ARMH4: variants seen among roughly 807,000 people sequenced by gnomAD.
The protein encoded by ARMH4 is armadillo-like helical domain-containing protein 4.
A neutral mutation model predicts 61.9 loss-of-function variants in ARMH4; 49 were observed. That is an observed-to-expected ratio of 0.79 (90% CI 0.63 to 1.00). The LOEUF is 1.00. Among genes scored for constraint, ARMH4 ranks in the 50% least tolerant of loss-of-function variants. The pLI is 0.00. For synonymous variants in ARMH4, 368 were observed against 341.5 expected, an observed-to-expected ratio of 1.08 and a Z score of -0.85; for missense variants, 934 against 930.0, an observed-to-expected ratio of 1.00 and a Z score of -0.06.
At position 58,138,699 on chromosome 14, in the gene ARMH4, T is replaced by C; in HGVS notation, c.660A>G (p.Pro220=). The stretch of plus-strand genomic sequence containing the variant: ...TGTCTGCTTCAAATTTCTCAGTCTT[T>C]GGATTGGTGGTTAGCATTTCCTTAG... The part of the protein sequence containing the change: ...VNTKEMLTTN[P]KTEKFEADTD... Residue 220 remains proline (P), a synonymous_variant, in exon 2 of 8, where the codon CCA becomes CCG. Coordinates refer to ENST00000267485, the MANE Select transcript of ARMH4 (RefSeq NM_001001872.4). 1 of 1,614,174 alleles carries C rather than the reference T, an allele frequency of 6.2e-7. No individual in the cohort carries two copies. The highest frequency in any genetic ancestry group is 8.5e-7 in the Non-Finnish European group (1 of 1,180,038).
At chr14:58,029,235 C>A (rs1193651328) in intron 5 of ARMH4, among the ~76,000 whole-genome samples, 7 of 145,176 alleles carry the variant, frequency 4.8e-5, no homozygotes, top group Admixed American at 4.1e-4. Context: ...CTTAGCATAA[C>A]TTTTTTTTTT....
chr14:58,083,249 A>C (rs1347172311), intron 5 of ARMH4, among the ~76,000 whole-genome samples: 1 of 152,186 alleles, frequency 6.6e-6, no homozygotes, highest in Non-Finnish European at 1.5e-5. Context: ...TCACTATAAA[A>C]ATGTTTTCAA....
At chr14:58,094,813 G>C (rs892974483) in intron 5 of ARMH4, among the ~76,000 whole-genome samples, 14 of 152,202 alleles carry the variant, frequency 9.2e-5, no homozygotes, top group African/African-American at 3.4e-4. Context: ...AAAGGGGCAT[G>C]AGGAATCACT....
chr14:58,074,427 C>T (rs1003400430), intron 5 of ARMH4, among the ~76,000 whole-genome samples: 3 of 151,616 alleles, frequency 2.0e-5, no homozygotes, highest in African/African-American at 7.3e-5. Flanking sequence ...AGCTTCTCTC[C>T]GCTTTGGCAG....
intron 5 of ARMH4, among the ~76,000 whole-genome samples, chr14:58,024,002 A>G (rs988680662): frequency 1.3e-5 from 2 of 152,094 alleles, no homozygotes; most frequent in Non-Finnish European, 2.9e-5. Context: ...TGTTCCATTT[A>G]TAGAGCACAG....
chr14:58,119,964 T>C (rs1436889963), intron 4 of ARMH4, among the ~76,000 whole-genome samples: 1 of 149,548 alleles, frequency 6.7e-6, no homozygotes. Flanking sequence ...TCAATAAAAT[T>C]ATAAATATAC....
chr14:58,024,526 G>A (rs1882954882), intron 5 of ARMH4, among the ~76,000 whole-genome samples: 1 of 152,142 alleles, frequency 6.6e-6, no homozygotes. Context: ...TCAGCAGTAA[G>A]GTTGTTTCTA....
At chr14:58,065,865 T>C (rs1175136985) in intron 5 of ARMH4, among the ~76,000 whole-genome samples, 1 of 152,214 alleles carries the variant, frequency 6.6e-6, no homozygotes, top group East Asian at 1.9e-4. Flanking sequence ...GGGGTCCACA[T>C]AGCAAGAAAC....
chr14:58,013,409 T>C (rs1386124038), intron 5 of ARMH4, among the ~76,000 whole-genome samples: 1 of 105,220 alleles, frequency 9.5e-6, no homozygotes, highest in Admixed American at 1.2e-4. Flanking sequence ...GTAAAAAGCA[T>C]TCGCATTCTT....
At chr14:58,146,355 G>T (rs1887731484) in intron 1 of ARMH4, among the ~76,000 whole-genome samples, 1 of 152,200 alleles carries the variant, frequency 6.6e-6, no homozygotes, top group Admixed American at 6.5e-5. Context: ...CTGCGTATTT[G>T]GATGCTGCTT....
intron 4 of ARMH4, among the ~76,000 whole-genome samples, chr14:58,109,696 A>T (rs1489079109): frequency 3.9e-5 from 6 of 152,250 alleles, no homozygotes; most frequent in Admixed American, 1.3e-4. Flanking sequence ...ATGTAAAAAT[A>T]AAATAATGAA....
At chr14:58,030,145 A>C (rs1026921734) in intron 5 of ARMH4, among the ~76,000 whole-genome samples, 2 of 152,206 alleles carry the variant, frequency 1.3e-5, no homozygotes, top group Non-Finnish European at 2.9e-5. Context: ...TAAAGAAGCT[A>C]TGTGGTCCCT....
chr14:58,140,546 A>G (rs1887503409), intron 1 of ARMH4, among the ~76,000 whole-genome samples: 1 of 151,886 alleles, frequency 6.6e-6, no homozygotes, highest in African/African-American at 2.4e-5. Flanking sequence ...ATGCCACTGC[A>G]CTCCAGCCTG....
chr14:58,053,440 G>C (rs1004926422), intron 5 of ARMH4, among the ~76,000 whole-genome samples: 4 of 152,068 alleles, frequency 2.6e-5, no homozygotes, highest in African/African-American at 9.7e-5. Context: ...CAGGCACAGT[G>C]GCCTTCTCTG....
chr14:58,028,976 G>C lies in ARMH4; in HGVS notation c.2090-16826C>G, dbSNP rs143536190. Among the ~76,000 whole-genome samples, 692 of 152,080 alleles carry C rather than the reference G, an allele frequency of 4.6e-3. 5 individuals are homozygous for C. The highest frequency in any genetic ancestry group is 0.016 in the African/African-American group (669 of 41,440). ...AAAGTGTGCAATTCAGTGACATTTTGCATTTTCACAATGTTGTACAACCAT... is the reference window on the plus strand; with the variant it reads ...AAAGTGTGCAATTCAGTGACATTTTCCATTTTCACAATGTTGTACAACCAT... On this transcript the variant is annotated intron_variant, in intron 5 of 7. Coordinates refer to ENST00000267485, the MANE Select transcript of ARMH4 (RefSeq NM_001001872.4).
chr14:58,041,156 G>C (rs1055964117), intron 5 of ARMH4, among the ~76,000 whole-genome samples: 4 of 152,182 alleles, frequency 2.6e-5, no homozygotes, highest in African/African-American at 9.7e-5. Flanking sequence ...AGCCAAAGCA[G>C]GGCGAGGCAT....
chr14:58,044,085 G>T (rs1366857897), intron 5 of ARMH4, among the ~76,000 whole-genome samples: 5 of 152,206 alleles, frequency 3.3e-5, no homozygotes, highest in Middle Eastern at 3.4e-3. Flanking sequence ...AGCTACCAAT[G>T]ACTTTCTTCA....
At chr14:58,099,822 T>A (rs971522868) in intron 4 of ARMH4, among the ~76,000 whole-genome samples, 1 of 152,188 alleles carries the variant, frequency 6.6e-6, no homozygotes, top group Non-Finnish European at 1.5e-5. Flanking sequence ...AGTGGCTGCA[T>A]GCATAGACTC....
At chr14:58,059,301 G>A (rs549923341) in intron 5 of ARMH4, among the ~76,000 whole-genome samples, 9 of 152,354 alleles carry the variant, frequency 5.9e-5, no homozygotes, top group African/African-American at 2.2e-4. Flanking sequence ...GGTCTGTATA[G>A]ATCTGGGAAG....
Sources: gnomAD v4.1 joint callset for allele counts (sites outside exome capture counted in the v4.1 genomes callset) on GRCh38, gnomAD v4.1.1 for gene constraint, MANE v1.5 for transcripts, NCBI Gene and HGNC (gene_info 2026-07-23, HGNC 2026-07-21) for gene names.